The following IMMP2L variants were observed in gnomAD, a reference collection of about 807,000 sequenced individuals.
The protein encoded by IMMP2L is inner mitochondrial membrane peptidase subunit 2.
Under a neutral mutation model 19.3 loss-of-function variants are expected in IMMP2L, and 18 were observed. That is an observed-to-expected ratio of 0.93 (90% CI 0.64 to 1.38). The LOEUF (loss-of-function observed/expected upper bound fraction) is 1.38. IMMP2L is among the 40% of genes most tolerant of loss of function. The probability of loss-of-function intolerance (pLI) is 0.00; values close to 1 mark genes in which losing one functional copy is unlikely to be tolerated. For synonymous variants in IMMP2L, 76 were observed against 73.0 expected, an observed-to-expected ratio of 1.04 and a Z score of -0.21; for missense variants, 233 against 218.2, an observed-to-expected ratio of 1.07 and a Z score of -0.43.
intron 3 of IMMP2L, among the ~76,000 whole-genome samples, chr7:111,177,625 A>T (rs1017152012): frequency 6.6e-6 from 1 of 152,116 alleles, no homozygotes; most frequent in African/African-American, 2.4e-5. Flanking sequence ...CAGCTTTGAT[A>T]TTTACCTACA....
chr7:111,062,145 G>A (rs1794075302), intron 3 of IMMP2L, among the ~76,000 whole-genome samples: 1 of 152,112 alleles, frequency 6.6e-6, no homozygotes, highest in South Asian at 2.1e-4. Flanking sequence ...AGACACACCT[G>A]AGATCGGGCA....
intron 3 of IMMP2L, among the ~76,000 whole-genome samples, chr7:111,269,682 G>A (rs1163380830): frequency 6.6e-6 from 1 of 151,852 alleles, no homozygotes; most frequent in Non-Finnish European, 1.5e-5. Flanking sequence ...CATGAAAGAA[G>A]ATGTAACAAA....
intron 4 of IMMP2L, among the ~76,000 whole-genome samples, chr7:110,894,693 T>C (rs1292762843): frequency 6.6e-6 from 1 of 152,172 alleles, no homozygotes; most frequent in South Asian, 2.1e-4. Flanking sequence ...CTACAAAGAA[T>C]ATACATTTTT....
At chr7:111,354,483 A>C (rs1828497151) in intron 3 of IMMP2L, among the ~76,000 whole-genome samples, 1 of 151,870 alleles carries the variant, frequency 6.6e-6, no homozygotes, top group South Asian at 2.1e-4. Flanking sequence ...GCCTAAGGGA[A>C]ATATTACATT....
intron 3 of IMMP2L, among the ~76,000 whole-genome samples, chr7:111,312,690 G>C (rs1004020018): frequency 6.6e-6 from 1 of 152,110 alleles, no homozygotes; most frequent in Non-Finnish European, 1.5e-5. Context: ...TTTCTGATAA[G>C]AAAGGTGATA....
At chr7:110,814,830 T>C (rs1802344753) in intron 5 of IMMP2L, among the ~76,000 whole-genome samples, 1 of 151,796 alleles carries the variant, frequency 6.6e-6, no homozygotes, top group African/African-American at 2.4e-5. Flanking sequence ...AAGACAGATG[T>C]GATCACAATA....
chr7:110,713,856 A>G (rs1795061466), intron 5 of IMMP2L, among the ~76,000 whole-genome samples: 2 of 152,036 alleles, frequency 1.3e-5, no homozygotes. Flanking sequence ...TAGGTATACA[A>G]TCATATCATC....
intron 5 of IMMP2L, among the ~76,000 whole-genome samples, chr7:110,883,846 T>C (rs2129545271): frequency 6.6e-6 from 1 of 152,106 alleles, no homozygotes; most frequent in Middle Eastern, 3.4e-3. Context: ...TGCTCTCAAT[T>C]TAAAGCTAGA....
intron 5 of IMMP2L, among the ~76,000 whole-genome samples, chr7:110,776,564 G>C (rs1002884792): frequency 6.6e-6 from 1 of 152,036 alleles, no homozygotes; most frequent in Non-Finnish European, 1.5e-5. Context: ...AATTGTTGGA[G>C]TAGCTTTTCC....
At chr7:110,763,074 G>A (rs1364270122) in intron 5 of IMMP2L, among the ~76,000 whole-genome samples, 1 of 152,014 alleles carries the variant, frequency 6.6e-6, no homozygotes, top group African/African-American at 2.4e-5. Flanking sequence ...TCACAGTTCA[G>A]CAAAGGAGGA....
chr7:110,956,650 A>C (rs533828871), intron 4 of IMMP2L, among the ~76,000 whole-genome samples: 1 of 152,046 alleles, frequency 6.6e-6, no homozygotes, highest in East Asian at 1.9e-4. Context: ...GATAAGTTAT[A>C]TGGTCATCTT....
chr7:111,258,878 C>T (rs908763019), intron 3 of IMMP2L, among the ~76,000 whole-genome samples: 1 of 151,928 alleles, frequency 6.6e-6, no homozygotes, highest in African/African-American at 2.4e-5. Flanking sequence ...ACTGAATGAC[C>T]ACTAAATGAG....
At chr7:111,150,931 A>G (rs191850122) in intron 3 of IMMP2L, among the ~76,000 whole-genome samples, 147 of 152,232 alleles carry the variant, frequency 9.7e-4, no homozygotes, top group South Asian at 3.3e-3. Flanking sequence ...GCCTGGAGAG[A>G]TTACAAGCAC....
chr7:111,138,651 G>C (rs1487933451), intron 3 of IMMP2L, among the ~76,000 whole-genome samples: 1 of 152,122 alleles, frequency 6.6e-6, no homozygotes, highest in Non-Finnish European at 1.5e-5. Context: ...AATCAAAATA[G>C]TCCTACAAGA....
At chr7:111,091,987 A>G (rs1162744673) in intron 3 of IMMP2L, among the ~76,000 whole-genome samples, 1 of 152,180 alleles carries the variant, frequency 6.6e-6, no homozygotes, top group Non-Finnish European at 1.5e-5. Context: ...TTTGAAATCA[A>G]CCCACCAAAT....
intron 3 of IMMP2L, among the ~76,000 whole-genome samples, chr7:111,367,038 G>T (rs1829833068): frequency 6.6e-6 from 1 of 151,428 alleles, no homozygotes; most frequent in Non-Finnish European, 1.5e-5. Flanking sequence ...GCAGGCAAAA[G>T]ATAAACACAA....
chr7:110,834,117 T>C (rs924306228), intron 5 of IMMP2L, among the ~76,000 whole-genome samples: 10 of 152,336 alleles, frequency 6.6e-5, no homozygotes, highest in African/African-American at 2.4e-4. Flanking sequence ...TCTAAGTTTA[T>C]TTAGAAGTCT....
At chr7:110,952,283 T>C (rs1382130185) in intron 4 of IMMP2L, among the ~76,000 whole-genome samples, 1 of 152,168 alleles carries the variant, frequency 6.6e-6, no homozygotes, top group Non-Finnish European at 1.5e-5. Context: ...AGAAGGCTAA[T>C]TAACCCATTT....
rs1798183242 is a variant in IMMP2L at position 110,758,844 on chromosome 7, C to A, written c.409-95123G>T. Among the ~76,000 whole-genome samples the A allele has an allele frequency of 6.6e-6, 1 of 152,004 alleles. No individual in the cohort carries two copies. Among genetic ancestry groups the A allele is most frequent in the Non-Finnish European group, 1.5e-5 (1 of 67,990 alleles). ...ATTAATGAGTTATATAAGTAAACCTCCCCAGGTGCCAAATCTCTCTGACAT... is the reference window on the plus strand; with the variant it reads ...ATTAATGAGTTATATAAGTAAACCTACCCAGGTGCCAAATCTCTCTGACAT... On this transcript the variant is annotated intron_variant, in intron 5 of 5. Transcript: ENST00000405709. This position sits in a 1 kb window ranked among gnomAD's most constrained non-coding sequence, Gnocchi z 4.6.
Sources: allele counts gnomAD v4.1 joint callset (sites outside exome capture counted in the v4.1 genomes callset), GRCh38; gene constraint gnomAD v4.1.1; non-coding constraint Gnocchi (gnomAD v3.1); transcripts MANE v1.5; gene names NCBI Gene and HGNC (gene_info 2026-07-23, HGNC 2026-07-21).